The following OPCML variants were observed in gnomAD, a reference collection of about 807,000 sequenced individuals.
The protein encoded by OPCML is opioid binding protein/cell adhesion molecule like.
Under a neutral mutation model 37.8 loss-of-function variants are expected in OPCML, and 13 were observed. The observed-to-expected ratio is 0.34, with a 90% CI of 0.22 to 0.55. OPCML has a LOEUF of 0.55. Ranked by LOEUF, OPCML falls within the 20% of genes least tolerant of loss-of-function variation. The pLI is 0.91. For synonymous variants in OPCML, 176 were observed against 168.8 expected, an observed-to-expected ratio of 1.04 and a Z score of -0.33; for missense variants, 341 against 435.6, an observed-to-expected ratio of 0.78 and a Z score of 1.93.
intron 2 of OPCML, among the ~76,000 whole-genome samples, chr11:132,686,845 C>A (rs1943180619): frequency 6.6e-6 from 1 of 152,146 alleles, no homozygotes; most frequent in African/African-American, 2.4e-5. Context: ...CACTCACACC[C>A]CATTTTCAGT....
At chr11:133,422,806 T>C (rs1375514060) in intron 1 of OPCML, 7 of 896,568 alleles carry the variant, frequency 7.8e-6, no homozygotes, top group Non-Finnish European at 9.3e-6. Flanking sequence ...TAAAAGAAAC[T>C]CTTTTGGAAT....
chr11:133,062,607 T>C (rs990804786), intron 1 of OPCML, among the ~76,000 whole-genome samples: 2 of 152,154 alleles, frequency 1.3e-5, no homozygotes, highest in Admixed American at 6.5e-5. Context: ...CATCCCTCCT[T>C]TCCCTACAGA....
intron 1 of OPCML, among the ~76,000 whole-genome samples, chr11:133,531,174 C>A (rs1019858992): frequency 6.6e-6 from 1 of 152,228 alleles, no homozygotes; most frequent in Non-Finnish European, 1.5e-5. Flanking sequence ...CAAGCATAAC[C>A]TAGCCCCTTC....
intron 1 of OPCML, among the ~76,000 whole-genome samples, chr11:133,158,753 AAAATG>A (rs1292138240): frequency 3.0e-4 from 45 of 150,542 alleles, no homozygotes; most frequent in African/African-American, 1.1e-3. Context: ...AAAATAAAAT[AAAATG>A]AAAATTAAAA....
intron 2 of OPCML, among the ~76,000 whole-genome samples, chr11:132,720,446 A>G (rs1944636704): frequency 6.6e-6 from 1 of 152,214 alleles, no homozygotes; most frequent in Admixed American, 6.5e-5. Flanking sequence ...CATTTCTCCA[A>G]ACATTCTTTT....
rs992596999 is a variant in OPCML at position 133,286,447 on chromosome 11, C to G, written c.61+245817G>C. On this transcript the variant is annotated intron_variant, in intron 1 of 7. Transcript: ENST00000524381. ...ATCGCGCCACTGCACTCCAGCCTGG[C>G]GACAGAGCGAGACTGTGTCTCACAA... Among the ~76,000 whole-genome samples, 193 of 105,886 alleles carry G rather than the reference C, an allele frequency of 1.8e-3. 2 individuals carry two copies. Among genetic ancestry groups the G allele is most frequent in the Middle Eastern group, 0.016 (2 of 126 alleles). 69.5% of individuals were successfully genotyped at this position (105,886 alleles called of 152,430 possible). A position where few individuals can be genotyped will look rare whatever the true frequency, so the allele number is the denominator to read the frequency against.
At chr11:132,653,421 C>G (rs967065095) in intron 3 of OPCML, among the ~76,000 whole-genome samples, 1 of 152,106 alleles carries the variant, frequency 6.6e-6, no homozygotes, top group Non-Finnish European at 1.5e-5. Context: ...TCCTGCTCTG[C>G]GGGGCTGCCA....
At chr11:133,083,820 C>T (rs1948778439) in intron 1 of OPCML, among the ~76,000 whole-genome samples, 1 of 152,222 alleles carries the variant, frequency 6.6e-6, no homozygotes, top group South Asian at 2.1e-4. Flanking sequence ...GGATTCGCTG[C>T]ACGGAAGGTT....
At position 133,013,696 on chromosome 11, in the gene OPCML, C is replaced by T. The variant is rs138786432; in HGVS notation, c.62-70686G>A. On this transcript the variant is annotated intron_variant, in intron 1 of 7. Transcript: ENST00000524381. ...TGTATAGTCAGGCTCTTCTGTATTA[C>T]GTAGGACAGTAAGTGAAGGAGAGCC... Among the ~76,000 whole-genome samples the T allele has an allele frequency of 1.4e-3, 219 of 152,302 alleles. 1 individual carries two copies. Among genetic ancestry groups the T allele is most frequent in the African/African-American group, 5.0e-3 (208 of 41,566 alleles).
chr11:133,003,869 C>T, intron 1 of OPCML: 3 of 985,394 alleles, frequency 3.0e-6, no homozygotes, highest in Non-Finnish European at 3.6e-6. Flanking sequence ...ACCGTGTGCC[C>T]TCGACCCCTT....
At chr11:133,190,105 C>T (rs976839693) in intron 1 of OPCML, among the ~76,000 whole-genome samples, 1 of 152,206 alleles carries the variant, frequency 6.6e-6, no homozygotes, top group Non-Finnish European at 1.5e-5. Context: ...GTAGCACACA[C>T]AAATGTGCCT....
chr11:133,276,384 C>T (rs1185101131), intron 1 of OPCML, among the ~76,000 whole-genome samples: 2 of 152,124 alleles, frequency 1.3e-5, no homozygotes, highest in Admixed American at 6.5e-5. Flanking sequence ...GTTCTTCAGA[C>T]TTCACTCTCA....
intron 1 of OPCML, among the ~76,000 whole-genome samples, chr11:133,157,467 T>C (rs762247547): frequency 6.6e-6 from 1 of 152,166 alleles, no homozygotes; most frequent in Non-Finnish European, 1.5e-5. Flanking sequence ...GGCTCTCTCT[T>C]CATATCCAGG....
At chr11:133,442,905 A>C (rs1483821283) in intron 1 of OPCML, among the ~76,000 whole-genome samples, 2 of 152,182 alleles carry the variant, frequency 1.3e-5, no homozygotes, top group Non-Finnish European at 2.9e-5. Flanking sequence ...GAGAAATAGA[A>C]GTGCGTTTGG....
chr11:133,489,401 C>T (rs951481934), intron 1 of OPCML, among the ~76,000 whole-genome samples: 1 of 151,678 alleles, frequency 6.6e-6, no homozygotes, highest in Non-Finnish European at 1.5e-5. Context: ...ACAAATAACC[C>T]CATTTAAAAG....
rs553432643 is a variant in OPCML, at chr11:132,555,431, T to G, written c.380-26245A>C. Among the ~76,000 whole-genome samples, 3 of 152,126 alleles carry G rather than the reference T, an allele frequency of 2.0e-5. No individual in the cohort carries two copies. The South Asian group carries it at 6.2e-4, about 32-fold the overall frequency. The stretch of plus-strand genomic sequence containing the variant: ...AACCATCAGATCCCATGAGACTTAT[T>G]CACTACCACAAAAACAATATGGGAG... On this transcript the variant is annotated intron_variant, in intron 3 of 7. Transcript: ENST00000524381.
chr11:132,725,737 C>T (rs552452444), intron 2 of OPCML, among the ~76,000 whole-genome samples: 8 of 150,106 alleles, frequency 5.3e-5, no homozygotes, highest in Non-Finnish European at 7.4e-5. Context: ...GCCGAGATCA[C>T]GCCACTGCAC....
At chr11:132,854,645 T>C (rs1941976284) in intron 2 of OPCML, among the ~76,000 whole-genome samples, 1 of 152,248 alleles carries the variant, frequency 6.6e-6, no homozygotes, top group South Asian at 2.1e-4. Flanking sequence ...ACTAAATATA[T>C]ATTTCTCATA....
At chr11:133,370,823 G>A (rs1944658974) in intron 1 of OPCML, among the ~76,000 whole-genome samples, 2 of 152,110 alleles carry the variant, frequency 1.3e-5, no homozygotes, top group South Asian at 4.1e-4. Flanking sequence ...ACACCAATGG[G>A]ACTATATTAA....
Sources: allele counts gnomAD v4.1 joint callset (sites outside exome capture counted in the v4.1 genomes callset), GRCh38; gene constraint gnomAD v4.1.1; transcripts MANE v1.5; gene names NCBI Gene and HGNC (gene_info 2026-07-23, HGNC 2026-07-21).